The following CNTN5 variants were observed in gnomAD, a reference collection of about 807,000 sequenced individuals.
CNTN5 encodes the protein contactin 5.
Under a neutral mutation model 129.1 loss-of-function variants are expected in CNTN5, and 77 were observed. That is an observed-to-expected ratio of 0.60 (90% CI 0.50 to 0.72). The LOEUF is 0.72. Ranked by LOEUF, CNTN5 falls within the 30% of genes least tolerant of loss-of-function variation. The pLI, the probability that CNTN5 is intolerant of heterozygous loss-of-function variation, is 0.00. For synonymous variants in CNTN5, 509 were observed against 465.6 expected (o/e 1.09, Z -1.20); for missense variants, 1,478 against 1,328.8 (o/e 1.11, Z -1.75).
At chr11:100,276,798 T>G (rs536735067) in intron 18 of CNTN5, among the ~76,000 whole-genome samples, 1 of 152,260 alleles carries the variant, frequency 6.6e-6, no homozygotes, top group South Asian at 2.1e-4. Flanking sequence ...GCATCTATCC[T>G]TTGTGTTTCA....
intron 3 of CNTN5, among the ~76,000 whole-genome samples, chr11:99,737,629 C>T (rs1943754226): frequency 1.3e-5 from 2 of 152,012 alleles, no homozygotes; most frequent in African/African-American, 4.8e-5. Context: ...GGATTCTTTC[C>T]AAATAACTGT....
chr11:100,229,310 T>C (rs752830023), intron 16 of CNTN5, among the ~76,000 whole-genome samples: 4 of 152,224 alleles, frequency 2.6e-5, no homozygotes, highest in Non-Finnish European at 5.9e-5. Flanking sequence ...AGCCAAAGCC[T>C]TCTATCATCA....
chr11:99,550,388 T>A (rs188338995), intron 2 of CNTN5, among the ~76,000 whole-genome samples: 46 of 152,294 alleles, frequency 3.0e-4, no homozygotes, highest in African/African-American at 1.1e-3. Context: ...CCCAGGTGCA[T>A]TGAGCTAGAT....
At chr11:100,322,905 G>A (rs1285974774) in intron 21 of CNTN5, among the ~76,000 whole-genome samples, 1 of 152,014 alleles carries the variant, frequency 6.6e-6, no homozygotes, top group Non-Finnish European at 1.5e-5. Flanking sequence ...TATAAACTTA[G>A]CACTTACCTT....
chr11:100,273,468 C>A (rs1356242111), intron 18 of CNTN5, among the ~76,000 whole-genome samples: 1 of 152,120 alleles, frequency 6.6e-6, no homozygotes, highest in Non-Finnish European at 1.5e-5. Context: ...AGCCAGCAAG[C>A]CCTGTCCCAA....
At chr11:100,233,946 C>T (rs771875398) in intron 16 of CNTN5, among the ~76,000 whole-genome samples, 2 of 151,840 alleles carry the variant, frequency 1.3e-5, no homozygotes, top group African/African-American at 2.4e-5. Context: ...GAAACTTAAA[C>T]AAATTTACAA....
chr11:99,763,703 G>A (rs1305134149), intron 3 of CNTN5, among the ~76,000 whole-genome samples: 1 of 152,100 alleles, frequency 6.6e-6, no homozygotes. Flanking sequence ...TTAAGCAGCT[G>A]CTTACAAAAA....
intron 13 of CNTN5, among the ~76,000 whole-genome samples, chr11:100,075,300 C>T (rs1944083841): frequency 6.6e-6 from 1 of 151,924 alleles, no homozygotes; most frequent in South Asian, 2.1e-4. Context: ...CAGCTTAGAC[C>T]CAAAGATCTA....
At chr11:99,903,608 A>G (rs879617941) in intron 6 of CNTN5, among the ~76,000 whole-genome samples, 1 of 152,124 alleles carries the variant, frequency 6.6e-6, no homozygotes, top group Non-Finnish European at 1.5e-5. Flanking sequence ...GGAGGCAAAA[A>G]TTGCCTGAGG....
At chr11:100,258,163 C>A (rs1175484216) in intron 17 of CNTN5, among the ~76,000 whole-genome samples, 8 of 151,980 alleles carry the variant, frequency 5.3e-5, no homozygotes, top group Non-Finnish European at 8.8e-5. Context: ...ATAGCCAAAT[C>A]AATCAAGCTG....
At position 100,229,922 on chromosome 11, in the gene CNTN5, C is replaced by G. The variant is rs143530340; in HGVS notation, c.2005+5110C>G. ...CTATTGTGCTTGGAGAGTGCATAAG[C>G]CTTCACATGGTTGAGTAATGATTTG... On this transcript the variant is annotated intron_variant, in intron 16 of 24. Transcript: ENST00000524871. 5.7e-3 allele frequency among the ~76,000 whole-genome samples: 868 copies of G among 152,192 alleles called. 9 individuals are homozygous for G. Among genetic ancestry groups the G allele is most frequent in the African/African-American group, 0.02 (820 of 41,536 alleles).
intron 3 of CNTN5, among the ~76,000 whole-genome samples, chr11:99,661,824 A>G (rs1952603632): frequency 1.3e-5 from 2 of 152,140 alleles, no homozygotes; most frequent in African/African-American, 2.4e-5. Context: ...AATTGCTTCA[A>G]AAACTAGGTA....
chr11:99,915,884 T>C (rs1353672044), intron 6 of CNTN5, among the ~76,000 whole-genome samples, 170 bp from the exon 7 acceptor site: 2 of 152,164 alleles, frequency 1.3e-5, no homozygotes, highest in Admixed American at 6.6e-5. Flanking sequence ...ATTTCCATTG[T>C]GGTATTTAAA....
chr11:99,739,652 A>G (rs1943828155), intron 3 of CNTN5, among the ~76,000 whole-genome samples: 1 of 152,156 alleles, frequency 6.6e-6, no homozygotes, highest in South Asian at 2.1e-4. Context: ...GCTATGAATG[A>G]TTATACAACA....
intron 1 of CNTN5, among the ~76,000 whole-genome samples, chr11:99,225,647 A>T (rs976307761): frequency 9.9e-5 from 15 of 152,140 alleles, no homozygotes; most frequent in Non-Finnish European, 1.8e-4. Context: ...CATAACAATG[A>T]TCATACAGTG....
At chr11:99,506,900 A>G (rs1946643639) in intron 2 of CNTN5, among the ~76,000 whole-genome samples, 1 of 152,214 alleles carries the variant, frequency 6.6e-6, no homozygotes, top group Admixed American at 6.5e-5. Context: ...AGGGAATATT[A>G]TATGAGTGGA....
intron 2 of CNTN5, among the ~76,000 whole-genome samples, chr11:99,488,156 GA>G: frequency 8.1e-6 from 1 of 123,664 alleles, no homozygotes. Context: ...GAATCTCCAA[GA>G]AGTTTTTTTT....
chr11:99,355,888 G>A (rs1442472090), intron 2 of CNTN5, among the ~76,000 whole-genome samples: 12 of 149,818 alleles, frequency 8.0e-5, no homozygotes, highest in Non-Finnish European at 1.3e-4. Flanking sequence ...GTGCAGTGGC[G>A]CTATCTCGGC....
intron 13 of CNTN5, among the ~76,000 whole-genome samples, chr11:100,090,712 C>T (rs905108159): frequency 1.3e-5 from 2 of 151,790 alleles, no homozygotes; most frequent in South Asian, 4.2e-4. Flanking sequence ...TCACTGTGTC[C>T]TTACATGGTA....
Sources: gnomAD v4.1 joint callset for allele counts (sites outside exome capture counted in the v4.1 genomes callset) on GRCh38, gnomAD v4.1.1 for gene constraint, MANE v1.5 for transcripts, NCBI Gene and HGNC (gene_info 2026-07-23, HGNC 2026-07-21) for gene names.